LCA5L: variants seen among roughly 807,000 people sequenced by gnomAD.
LCA5L encodes the protein lebercilin-like protein.
LCA5L carries 35 observed loss-of-function variants against 45.4 expected under a neutral mutation model. The ratio of observed to expected loss-of-function variants is 0.77; its 90% CI spans 0.59 to 1.02. The LOEUF (loss-of-function observed/expected upper bound fraction) is 1.02, where lower values mean the gene tolerates loss of function less well. LCA5L is among the 50% of genes least tolerant of loss of function. LCA5L has a pLI of 0.00. For missense variants in LCA5L, 668 were observed against 761.6 expected, an observed-to-expected ratio of 0.88 and a Z score of 1.45; for synonymous variants, 233 against 264.7, an observed-to-expected ratio of 0.88 and a Z score of 1.16.
At chr21:39,418,587 G>A (rs2041719316) in intron 7 of LCA5L, among the ~76,000 whole-genome samples, 1 of 152,028 alleles carries the variant, frequency 6.6e-6, no homozygotes, top group Non-Finnish European at 1.5e-5. Context: ...TGCAACCTCT[G>A]CTTCCCAGGT....
chr21:39,422,187 C>G (rs1030233275), intron 6 of LCA5L: 3 of 152,232 alleles, frequency 2.0e-5, no homozygotes, highest in Non-Finnish European at 4.4e-5. Flanking sequence ...TATTTACTTA[C>G]TTCAAGATCA....
At chr21:39,416,830 G>T (rs2041260533) in intron 7 of LCA5L, among the ~76,000 whole-genome samples, 1 of 152,064 alleles carries the variant, frequency 6.6e-6, no homozygotes, top group Admixed American at 6.5e-5. Flanking sequence ...AGTTATTTGT[G>T]TCCTTACAGT....
At chr21:39,422,798 T>C (rs1403054808) in intron 6 of LCA5L, 178 bp downstream of exon 6, 1 of 619,070 alleles carries the variant, frequency 1.6e-6, no homozygotes, top group Non-Finnish European at 2.8e-6. Flanking sequence ...GCTTCTGTTT[T>C]TCCTTCAAAC....
Position 39,406,522 on chromosome 21 carries a change from T to C in LCA5L, c.1373A>G (p.Lys458Arg), listed in dbSNP as rs765478033. Residue 458 changes from lysine (K) to arginine (R), a missense_variant, in exon 11 of 11, where the codon AAA becomes AGA. Physicochemically the swap from Lys to Arg is conservative, Grantham distance 26. Transcript: ENST00000288350. ...TTGCTCTTCTTTCACAAAAATGTTT[T>C]TCTTTTCTTGGTCTTCTTTTTTGTC... ...QKDKKEDQEK[K>R]NIFVKEEQEL... 9 of 1,613,202 alleles carry C rather than the reference T, an allele frequency of 5.6e-6. No individual in the cohort carries two copies. In the African/African-American group the frequency reaches 1.2e-4, roughly 22 times the overall value.
At chr21:39,426,861 C>G (rs921140108) in intron 5 of LCA5L, among the ~76,000 whole-genome samples, 4 of 152,148 alleles carry the variant, frequency 2.6e-5, no homozygotes, top group African/African-American at 9.7e-5. Flanking sequence ...AGGTAGGACC[C>G]CCAGCTCTCT....
chr21:39,428,283 A>G lies in LCA5L; in HGVS notation c.211T>C (p.Phe71Leu), dbSNP rs2075113886. ...GCCTTTTCTGAACAATCACAGAGAA[A>G]GTCTTCTGAATAATCATACTGAGAA... is the stretch of plus-strand genomic sequence containing the variant. Reference protein sequence around the residue: ...LSSQYDYSEDFLCDCSEKAIN... With the variant: ...LSSQYDYSEDLLCDCSEKAIN... The change falls in exon 5 of 11, where the codon TTT becomes CTT. Residue 71 changes from phenylalanine to leucine, a missense_variant. Physicochemically the swap from Phe to Leu is conservative, Grantham distance 22. Coordinates refer to ENST00000288350, the MANE Select transcript of LCA5L (RefSeq NM_152505.4). 4 of 1,610,734 alleles carry G rather than the reference A, an allele frequency of 2.5e-6. No individual in the cohort carries two copies. The highest frequency in any genetic ancestry group is 1.7e-5 in the Admixed American group (1 of 59,942).
chr21:39,416,496 T>G (rs987888968), intron 7 of LCA5L, among the ~76,000 whole-genome samples: 1 of 152,166 alleles, frequency 6.6e-6, no homozygotes, highest in Non-Finnish European at 1.5e-5. Context: ...CCTAGAATTT[T>G]TTTAGGGAGC....
At chr21:39,436,555 C>T (rs1042550646) in intron 2 of LCA5L, among the ~76,000 whole-genome samples, 7 of 152,166 alleles carry the variant, frequency 4.6e-5, no homozygotes, top group Non-Finnish European at 1.0e-4. Flanking sequence ...TAGCTCAGCT[C>T]ACTGCAGTCT....
At position 39,409,918 on chromosome 21, in the gene LCA5L, A is replaced by C; in HGVS notation, c.1282+61T>G. The C allele has an allele frequency of 1.0e-6, 1 of 958,954 alleles. No homozygotes were observed. Among genetic ancestry groups the C allele is most frequent in the Non-Finnish European group, 1.6e-6 (1 of 615,418 alleles). The allele number at this position is 958,954 out of a possible 1,614,324, so 59.4% of individuals were successfully genotyped here. A position where few individuals can be genotyped will look rare whatever the true frequency, so the allele number is the denominator to read the frequency against. ...TGTTTTATGTGTGCTTTATATACAC[A>C]TATAGTAATTCACAATTTTAAAGAA... is the stretch of plus-strand genomic sequence containing the variant. On this transcript the variant is annotated intron_variant, in intron 10 of 10. Transcript: ENST00000288350. This position sits in a 1 kb window ranked among gnomAD's most constrained non-coding sequence, Gnocchi z 4.2.
At chr21:39,437,984 A>T (rs969137167) in intron 2 of LCA5L, among the ~76,000 whole-genome samples, 2 of 152,238 alleles carry the variant, frequency 1.3e-5, no homozygotes, top group African/African-American at 4.8e-5. Flanking sequence ...TGTATTCTCA[A>T]TGAAATACTG....
chr21:39,420,111 T>C (rs539391998), intron 7 of LCA5L, among the ~76,000 whole-genome samples: 34 of 152,340 alleles, frequency 2.2e-4, no homozygotes, highest in African/African-American at 7.7e-4. Flanking sequence ...GAATAGAGTT[T>C]CTATTTTTCT....
chr21:39,439,873 T>C (rs1480628749), intron 2 of LCA5L: 1 of 152,200 alleles, frequency 6.6e-6, no homozygotes, highest in African/African-American at 2.4e-5. Context: ...ACAAATTAAC[T>C]GAGGACATAA....
At chr21:39,410,206 G>A (rs1436645951) in intron 9 of LCA5L, 58 bp downstream of exon 9, 1 of 1,257,990 alleles carries the variant, frequency 7.9e-7, no homozygotes, top group Non-Finnish European at 1.2e-6. Context: ...AGTGACTGTA[G>A]CCTATTTTTG....
intron 2 of LCA5L, among the ~76,000 whole-genome samples, chr21:39,440,468 T>C (rs746813971): frequency 6.6e-5 from 10 of 152,068 alleles, no homozygotes; most frequent in Non-Finnish European, 1.5e-4. Context: ...CTTGGGAGGC[T>C]GAGGCTGCAG....
chr21:39,431,970 T>C (rs2075779906), intron 3 of LCA5L, among the ~76,000 whole-genome samples: 1 of 152,236 alleles, frequency 6.6e-6, no homozygotes, highest in Non-Finnish European at 1.5e-5. Flanking sequence ...GATTAATTGC[T>C]GTGTTCACCG....
chr21:39,420,383 C>T (rs559728366), intron 7 of LCA5L, among the ~76,000 whole-genome samples: 7 of 151,902 alleles, frequency 4.6e-5, no homozygotes, highest in Admixed American at 2.6e-4. Flanking sequence ...ATTAGCCAAG[C>T]GTGGTGTTGC....
rs1023438507 is a variant in LCA5L, at chr21:39,444,143, A to G, written c.-254T>C. 1.2e-4 allele frequency: 19 copies of G among 152,104 alleles called. No homozygotes were observed. The highest frequency in any genetic ancestry group is 4.3e-4 in the African/African-American group (18 of 41,402). The allele number at this position is 152,104 out of a possible 1,614,324, so 9.4% of individuals were successfully genotyped here. On this transcript the variant is annotated 5_prime_UTR_variant, in exon 2 of 11. Transcript: ENST00000288350. ...AGCACCCAGGTACTTACTATTCAAA[A>G]TGATCAGCATACGGATGATCATTTG...
chr21:39,411,771 A>G lies in LCA5L; in HGVS notation c.1007T>C (p.Ile336Thr), dbSNP rs781182755. The G allele has an allele frequency of 1.9e-6, 3 of 1,590,060 alleles. No individual in the cohort carries two copies. Among genetic ancestry groups the G allele is most frequent in the Non-Finnish European group, 1.7e-6 (2 of 1,163,778 alleles). Residue 336 changes from isoleucine (I) to threonine (T), a missense_variant, in exon 8 of 11, where the codon ATC becomes ACC. Coordinates refer to ENST00000288350, the MANE Select transcript of LCA5L (RefSeq NM_152505.4). ...ATTTTTAAGTATTCGATGACTATAGATGTTTTTAATTTCAAGCTCACGATC... is the reference window on the plus strand; with the variant it reads ...ATTTTTAAGTATTCGATGACTATAGGTGTTTTTAATTTCAAGCTCACGATC... ...EKDRELEIKN[I>T]YSHRILKNLH...
chr21:39,425,379 AG>A (rs2074488815), intron 5 of LCA5L, among the ~76,000 whole-genome samples: 1 of 152,254 alleles, frequency 6.6e-6, no homozygotes, highest in African/African-American at 2.4e-5. Context: ...TAACTATGAA[AG>A]AACTCATAGA....
Sources: gnomAD v4.1 joint callset for allele counts (sites outside exome capture counted in the v4.1 genomes callset) on GRCh38, gnomAD v4.1.1 for gene constraint, Gnocchi (gnomAD v3.1) non-coding constraint, MANE v1.5 for transcripts, NCBI Gene and HGNC (gene_info 2026-07-23, HGNC 2026-07-21) for gene names.